ANO4: variants seen among roughly 807,000 people sequenced by gnomAD.
The protein encoded by ANO4 is anoctamin 4, also known as anoctamin-4.
Under a neutral mutation model 141.9 loss-of-function variants are expected in ANO4, and 69 were observed. The ratio of observed to expected loss-of-function variants is 0.49; its 90% CI spans 0.40 to 0.59. ANO4 has a LOEUF of 0.59. Ranked by LOEUF, ANO4 falls within the 20% of genes least tolerant of loss-of-function variation. The pLI is 0.00. For synonymous variants in ANO4, 350 were observed against 394.3 expected (o/e 0.89, Z 1.33); for missense variants, 894 against 1,162.2 (o/e 0.77, Z 3.36).
chr12:101,051,603 G>T (rs750592497), intron 14 of ANO4, among the ~76,000 whole-genome samples: 44 of 152,170 alleles, frequency 2.9e-4, no homozygotes, highest in Admixed American at 4.6e-4. Flanking sequence ...ATTTCCGAGG[G>T]ATTACTATGT....
At chr12:100,968,607 G>A (rs1253942833) in intron 5 of ANO4, among the ~76,000 whole-genome samples, 2 of 152,144 alleles carry the variant, frequency 1.3e-5, no homozygotes, top group Non-Finnish European at 1.5e-5. Context: ...AACTTAGGAA[G>A]CCACAAAGCC....
chr12:100,720,109 A>G (rs1263464880), intron 1 of ANO4, among the ~76,000 whole-genome samples: 3 of 152,124 alleles, frequency 2.0e-5, no homozygotes, highest in South Asian at 2.1e-4. Flanking sequence ...AGGATGGGAG[A>G]CAAGTATTTT....
At chr12:100,746,453 T>TAAAAAAAAAAAAAA (rs58996492) in intron 3 of ANO4, among the ~76,000 whole-genome samples, 3 of 146,912 alleles carry the variant, frequency 2.0e-5, no homozygotes, top group Non-Finnish European at 4.6e-5. Flanking sequence ...ACTCTGTTAT[T>TAAAAAAAAAAAAAA]AAAAAGAATG....
intron 26 of ANO4, among the ~76,000 whole-genome samples, chr12:101,126,046 T>C (rs146048263): frequency 4.3e-4 from 65 of 152,372 alleles, no homozygotes; most frequent in African/African-American, 1.5e-3. Flanking sequence ...TTATTTGGCT[T>C]TTCAAATAGA....
chr12:100,763,569 T>C (rs1259156160), intron 3 of ANO4, among the ~76,000 whole-genome samples: 1 of 152,180 alleles, frequency 6.6e-6, no homozygotes, highest in African/African-American at 2.4e-5. Context: ...CAGTCACCTG[T>C]TTACAAATGG....
At chr12:100,888,595 A>C (rs1357999518) in intron 1 of ANO4, among the ~76,000 whole-genome samples, 3 of 152,256 alleles carry the variant, frequency 2.0e-5, no homozygotes, top group Non-Finnish European at 2.9e-5. Context: ...CCCAACCTTT[A>C]GCTCCTTCTT....
chr12:100,784,767 G>T (rs2033813031), intron 3 of ANO4, among the ~76,000 whole-genome samples: 1 of 152,174 alleles, frequency 6.6e-6, no homozygotes, highest in Non-Finnish European at 1.5e-5. Flanking sequence ...GTTAGGCCTT[G>T]ACCAGGGTAA....
intron 1 of ANO4, among the ~76,000 whole-genome samples, chr12:100,893,622 C>T (rs779111143): frequency 4.6e-5 from 7 of 152,138 alleles, no homozygotes; most frequent in Non-Finnish European, 8.8e-5. Context: ...TGTTTGCTAA[C>T]ATCCCTTTGA....
At chr12:101,058,327 A>T (rs2048210936) in intron 14 of ANO4, among the ~76,000 whole-genome samples, 1 of 152,052 alleles carries the variant, frequency 6.6e-6, no homozygotes. Flanking sequence ...TTTGCTTAGG[A>T]TTGTCTTGGC....
At chr12:100,755,698 A>G (rs1003140969) in intron 3 of ANO4, among the ~76,000 whole-genome samples, 3 of 152,018 alleles carry the variant, frequency 2.0e-5, no homozygotes, top group Admixed American at 1.3e-4. Flanking sequence ...GCTAATAGCA[A>G]ATTTCTTCCT....
At chr12:100,751,865 GA>G (rs2032398127) in intron 3 of ANO4, among the ~76,000 whole-genome samples, 1 of 152,166 alleles carries the variant, frequency 6.6e-6, no homozygotes, top group Non-Finnish European at 1.5e-5. Flanking sequence ...TGAAGATGGG[GA>G]AAGACTGAGG....
At chr12:100,835,882 C>A (rs1033400337) in intron 1 of ANO4, among the ~76,000 whole-genome samples, 54 of 152,034 alleles carry the variant, frequency 3.6e-4, no homozygotes, top group Admixed American at 3.3e-4. Flanking sequence ...AATTTGGTAG[C>A]CTTATGTAAC....
At chr12:101,052,298 C>T (rs1179577436) in intron 14 of ANO4, among the ~76,000 whole-genome samples, 1 of 152,100 alleles carries the variant, frequency 6.6e-6, no homozygotes, top group African/African-American at 2.4e-5. Context: ...GCTGGAATTA[C>T]AGTGTGGCTC....
chr12:100,771,616 G>T (rs949384602), intron 3 of ANO4, among the ~76,000 whole-genome samples: 1 of 152,192 alleles, frequency 6.6e-6, no homozygotes, highest in African/African-American at 2.4e-5. Context: ...GGACCCAGGG[G>T]CTAGGAGAAG....
At chr12:100,970,672 TCC>T (rs2043885448) in intron 5 of ANO4, among the ~76,000 whole-genome samples, 1 of 41,404 alleles carries the variant, frequency 2.4e-5, no homozygotes, top group Non-Finnish European at 4.1e-5. Flanking sequence ...TCTCCTTCCT[TCC>T]TTCCTTCCTT....
chr12:100,743,944 A>C (rs916576524), intron 3 of ANO4, among the ~76,000 whole-genome samples: 5 of 152,120 alleles, frequency 3.3e-5, no homozygotes, highest in African/African-American at 1.2e-4. Flanking sequence ...TTTGATAACC[A>C]AGATTTGTAA....
intron 7 of ANO4, among the ~76,000 whole-genome samples, chr12:100,984,205 T>C (rs916253925): frequency 1.2e-4 from 18 of 152,254 alleles, no homozygotes; most frequent in Non-Finnish European, 2.4e-4. Context: ...CAAGTGATTT[T>C]CCTGCCTCAA....
At chr12:100,923,601 G>C (rs140585752) in intron 3 of ANO4, among the ~76,000 whole-genome samples, 2 of 152,124 alleles carry the variant, frequency 1.3e-5, no homozygotes, top group Non-Finnish European at 2.9e-5. Context: ...AAACATACGT[G>C]TGCATGTGTC....
chr12:100,788,901 G>A (rs1419032956), intron 3 of ANO4, among the ~76,000 whole-genome samples: 1 of 152,000 alleles, frequency 6.6e-6, no homozygotes, highest in Non-Finnish European at 1.5e-5. Flanking sequence ...GAAAATGATT[G>A]AGGTGGGGAG....
Sources: gnomAD v4.1 joint callset for allele counts (sites outside exome capture counted in the v4.1 genomes callset) on GRCh38, gnomAD v4.1.1 for gene constraint, MANE v1.5 for transcripts, NCBI Gene and HGNC (gene_info 2026-07-23, HGNC 2026-07-21) for gene names.